RBFOX1: variants seen among roughly 807,000 people sequenced by gnomAD.
RBFOX1 encodes RNA binding protein fox-1 homolog 1.
A neutral mutation model predicts 57.7 loss-of-function variants in RBFOX1; 8 were observed. That is an observed-to-expected ratio of 0.14 (90% CI 0.08 to 0.25). The LOEUF is 0.25. Among genes scored for constraint, RBFOX1 ranks in the 10% least tolerant of loss-of-function variants. The pLI, the probability that RBFOX1 is intolerant of heterozygous loss-of-function variation, is 1.00. For synonymous variants in RBFOX1, 326 were observed against 222.4 expected (o/e 1.47, Z -4.15); for missense variants, 611 against 548.5 (o/e 1.11, Z -1.14).
At chr16:6,227,107 G>C (rs2097423949) in intron 1 of RBFOX1, among the ~76,000 whole-genome samples, 1 of 151,872 alleles carries the variant, frequency 6.6e-6, no homozygotes, top group Non-Finnish European at 1.5e-5. Flanking sequence ...GTAGGTGACA[G>C]GGCGAGACTC....
At chr16:5,474,280 G>T (rs951764408) in intron 2 of RBFOX1, among the ~76,000 whole-genome samples, 2 of 152,176 alleles carry the variant, frequency 1.3e-5, no homozygotes, top group African/African-American at 4.8e-5. Flanking sequence ...TTACACTATA[G>T]GCTGAGAAAG....
intron 4 of RBFOX1, among the ~76,000 whole-genome samples, chr16:7,132,914 C>A (rs2070910446): frequency 6.6e-6 from 1 of 152,128 alleles, no homozygotes; most frequent in African/African-American, 2.4e-5. Context: ...AAATTGTGCC[C>A]ATTTTAACAG....
chr16:5,315,547 T>G (rs2064213483), intron 1 of RBFOX1, among the ~76,000 whole-genome samples: 1 of 152,198 alleles, frequency 6.6e-6, no homozygotes, highest in East Asian at 1.9e-4. Flanking sequence ...AGGGCTCCCC[T>G]TCATTTCAGG....
intron 4 of RBFOX1, among the ~76,000 whole-genome samples, chr16:7,293,729 A>C (rs187331663): frequency 2.6e-3 from 391 of 152,246 alleles, no homozygotes; most frequent in South Asian, 6.4e-3. Context: ...CCAATACCCG[A>C]TACATCCCCA....
At chr16:5,425,071 A>C (rs146012114) in intron 1 of RBFOX1, among the ~76,000 whole-genome samples, 1 of 79,874 alleles carries the variant, frequency 1.3e-5, no homozygotes, top group African/African-American at 6.3e-5. Flanking sequence ...TTTCTTATCT[A>C]TCTATCTATC....
chr16:6,195,605 G>A (rs1443309065), intron 1 of RBFOX1, among the ~76,000 whole-genome samples: 1 of 152,064 alleles, frequency 6.6e-6, no homozygotes, highest in Non-Finnish European at 1.5e-5. Context: ...TGTAGTCCCA[G>A]CTACTTGGGA....
At chr16:7,542,671 A>G (rs1033265188) in intron 5 of RBFOX1, among the ~76,000 whole-genome samples, 3 of 145,262 alleles carry the variant, frequency 2.1e-5, no homozygotes, top group African/African-American at 7.7e-5. Context: ...CCTGGCCAAC[A>G]TGGTGAAACC....
chr16:6,119,627 C>G (rs2096533448), intron 1 of RBFOX1, among the ~76,000 whole-genome samples: 1 of 152,118 alleles, frequency 6.6e-6, no homozygotes, highest in Non-Finnish European at 1.5e-5. Flanking sequence ...TCATTATTGA[C>G]TCAACATTTA....
chr16:6,570,426 C>G (rs1264087353), intron 2 of RBFOX1, among the ~76,000 whole-genome samples: 1 of 152,044 alleles, frequency 6.6e-6, no homozygotes, highest in Non-Finnish European at 1.5e-5. Flanking sequence ...GCATTATTGA[C>G]TCAGCTTAAT....
chr16:5,514,173 G>C (rs986959718), intron 2 of RBFOX1, among the ~76,000 whole-genome samples: 5 of 152,124 alleles, frequency 3.3e-5, no homozygotes, highest in African/African-American at 1.2e-4. Flanking sequence ...ACAAGTTTAT[G>C]AGTCAGCTGG....
chr16:5,721,752 T>G (rs1034153252), intron 3 of RBFOX1, among the ~76,000 whole-genome samples: 1 of 152,234 alleles, frequency 6.6e-6, no homozygotes, highest in Admixed American at 6.5e-5. Context: ...TATTATCTGC[T>G]CATTCTGAAT....
chr16:5,746,383 G>T (rs895700977), intron 3 of RBFOX1, among the ~76,000 whole-genome samples: 2 of 152,170 alleles, frequency 1.3e-5, no homozygotes, highest in Admixed American at 6.5e-5. Context: ...GATGCTTCCA[G>T]CTTTGTTCTT....
intron 2 of RBFOX1, among the ~76,000 whole-genome samples, chr16:6,478,178 C>T (rs1299845723): frequency 7.2e-6 from 1 of 138,866 alleles, no homozygotes; most frequent in Non-Finnish European, 1.5e-5. Context: ...ATCACATTCA[C>T]AACTTGGCTA....
At chr16:6,047,370 C>A (rs1036254688) in intron 1 of RBFOX1, among the ~76,000 whole-genome samples, 1 of 152,190 alleles carries the variant, frequency 6.6e-6, no homozygotes, top group Non-Finnish European at 1.5e-5. Context: ...TTAGAGAGAT[C>A]CTTTCCCTGT....
At chr16:7,449,955 T>C (rs1431196567) in intron 4 of RBFOX1, among the ~76,000 whole-genome samples, 3 of 151,776 alleles carry the variant, frequency 2.0e-5, no homozygotes, top group African/African-American at 7.3e-5. Context: ...CTGACTGCAG[T>C]AGAAGGATGG....
intron 3 of RBFOX1, among the ~76,000 whole-genome samples, chr16:5,785,365 C>T (rs2151715748): frequency 6.6e-6 from 1 of 152,230 alleles, no homozygotes; most frequent in South Asian, 2.1e-4. Flanking sequence ...CTTCTGCATC[C>T]CTTCCAGGCA....
chr16:5,966,149 C>T (rs566272348), intron 4 of RBFOX1, among the ~76,000 whole-genome samples: 6 of 152,122 alleles, frequency 3.9e-5, no homozygotes, highest in South Asian at 2.1e-4. Flanking sequence ...AAATTCATTG[C>T]TCAATGAATT....
chr16:7,605,147 C>A (rs2095234625), intron 9 of RBFOX1, among the ~76,000 whole-genome samples: 1 of 151,960 alleles, frequency 6.6e-6, no homozygotes, highest in Non-Finnish European at 1.5e-5. Context: ...TTCCCATATC[C>A]TCAGGAATTA....
intron 2 of RBFOX1, among the ~76,000 whole-genome samples, chr16:6,524,689 G>T (rs938210671): frequency 1.3e-5 from 2 of 152,124 alleles, no homozygotes; most frequent in Non-Finnish European, 2.9e-5. Flanking sequence ...CAAGATGTCT[G>T]CTGGGCCATG....
Sources: gnomAD v4.1 joint callset for allele counts (sites outside exome capture counted in the v4.1 genomes callset) on GRCh38, gnomAD v4.1.1 for gene constraint, MANE v1.5 for transcripts, NCBI Gene and HGNC (gene_info 2026-07-23, HGNC 2026-07-21) for gene names.